Variants in ABHD6 observed in about 807,000 individuals in gnomAD.
The protein encoded by ABHD6 is monoacylglycerol lipase ABHD6.
A neutral mutation model predicts 38.8 loss-of-function variants in ABHD6; 33 were observed. The ratio of observed to expected loss-of-function variants is 0.85; its 90% CI spans 0.64 to 1.14. The LOEUF is 1.14. Ranked by LOEUF, ABHD6 falls within the 50% of genes most tolerant of loss-of-function variation. The probability of loss-of-function intolerance (pLI) is 0.00; values close to 1 mark genes in which losing one functional copy is unlikely to be tolerated. For synonymous variants in ABHD6, 147 were observed against 161.6 expected (o/e 0.91, Z 0.69); for missense variants, 380 against 422.6 (o/e 0.90, Z 0.88).
At chr3:58,243,056 C>CT (rs1252109523) in intron 1 of ABHD6, among the ~76,000 whole-genome samples, 8 of 152,220 alleles carry the variant, frequency 5.3e-5, no homozygotes, top group Non-Finnish European at 1.0e-4. Flanking sequence ...TGAACTCATC[C>CT]TTTTTTATGG....
Position 58,293,905 on chromosome 3 carries a change from G to T in ABHD6, c.*140G>T. ...TGAGGAAGCCCGTCCCTTATCCCTG[G>T]TATCCACGGTTCCCCAGAGCTTTGG... On this transcript the variant is annotated 3_prime_UTR_variant, in exon 10 of 10. Transcript: ENST00000478253. The surrounding 1 kb of genome is among the most constrained non-coding windows in gnomAD (Gnocchi z 4.4). The T allele has an allele frequency of 2.3e-6, 2 of 883,904 alleles. No individual in the cohort carries two copies. Among genetic ancestry groups the T allele is most frequent in the African/African-American group, 1.7e-5 (1 of 59,442 alleles). The allele number at this position is 883,904 out of a possible 1,614,324, so 54.8% of individuals were successfully genotyped here.
At chr3:58,245,454 C>A (rs1001760638) in intron 1 of ABHD6, among the ~76,000 whole-genome samples, 13 of 152,084 alleles carry the variant, frequency 8.5e-5, no homozygotes, top group African/African-American at 2.9e-4. Context: ...CCCTGAGCCA[C>A]TGCATCTGGC....
rs907277015 is a variant in ABHD6 at position 58,259,132 on chromosome 3, G to T, written c.119+2427G>T. On this transcript the variant is annotated intron_variant, in intron 3 of 9. Transcript: ENST00000478253. The surrounding 1 kb of genome is among the most constrained non-coding windows in gnomAD (Gnocchi z 4.7). ...AGAACACAATTCACTGATGTGGCTC[G>T]TAACCATGGATATGGTCACATACAG... Among the ~76,000 whole-genome samples, 81 of 152,196 alleles carry T rather than the reference G, an allele frequency of 5.3e-4. 1 individual carries two copies. The highest frequency in any genetic ancestry group is 1.7e-3 in the Admixed American group (26 of 15,286).
At chr3:58,253,199 C>T (rs1385054967) in intron 2 of ABHD6, among the ~76,000 whole-genome samples, 1 of 151,202 alleles carries the variant, frequency 6.6e-6, no homozygotes, top group African/African-American at 2.4e-5. Flanking sequence ...GCCTTCATTT[C>T]GGGGCTATCA....
chr3:58,267,715 A>T lies in ABHD6; in HGVS notation c.276+370A>T, dbSNP rs905578253. ...GAAGAAGAAAAGGGTTTCCACTAGG[A>T]CATGATGTCATCAACAATGGTAGAA... is the stretch of plus-strand genomic sequence containing the variant. On this transcript the variant is annotated intron_variant, in intron 4 of 9. Transcript: ENST00000478253. The surrounding 1 kb of genome is among the most constrained non-coding windows in gnomAD (Gnocchi z 4.3). Among the ~76,000 whole-genome samples the T allele has an allele frequency of 1.3e-5, 2 of 152,160 alleles. No individual in the cohort carries two copies. Among genetic ancestry groups the T allele is most frequent in the Admixed American group, 6.5e-5 (1 of 15,268 alleles).
chr3:58,284,380 A>AT (rs1423109760), intron 7 of ABHD6, among the ~76,000 whole-genome samples: 1 of 151,540 alleles, frequency 6.6e-6, no homozygotes, highest in Admixed American at 6.6e-5. Context: ...CAGTGGCTTA[A>AT]TTTTTTTAAT....
In ABHD6 at chr3:58,259,089, G is replaced by T. The variant is rs986385441; in HGVS notation, c.119+2384G>T. ...CACACAAAACGCCGTTTTTATTAAC[G>T]ACATGAAATTGAAGGAGAGAACACA... is the stretch of plus-strand genomic sequence containing the variant. On this transcript the variant is annotated intron_variant, in intron 3 of 9. Transcript: ENST00000478253. The surrounding 1 kb of genome is among the most constrained non-coding windows in gnomAD (Gnocchi z 4.7). Among the ~76,000 whole-genome samples, 1 of 152,086 alleles carries T rather than the reference G, an allele frequency of 6.6e-6. No individual in the cohort carries two copies. Among genetic ancestry groups the T allele is most frequent in the Admixed American group, 6.6e-5 (1 of 15,252 alleles).
At chr3:58,240,701 G>T (rs1176840457) in intron 1 of ABHD6, among the ~76,000 whole-genome samples, 1 of 149,956 alleles carries the variant, frequency 6.7e-6, no homozygotes, top group Non-Finnish European at 1.5e-5. Context: ...AGTAACTGGG[G>T]CTACAGGTGT....
Position 58,290,867 on chromosome 3 carries a change from C to G in ABHD6, c.838-2722C>G, listed in dbSNP as rs1458632909. Among the ~76,000 whole-genome samples the G allele has an allele frequency of 2.8e-3, 418 of 147,090 alleles. 3 individuals carry two copies. Among genetic ancestry groups the G allele is most frequent in the African/African-American group, 9.6e-3 (379 of 39,662 alleles). ...CTCACTTCCTAGATGGGATGGCGGC[C>G]GGGCAGAGACGCTCCTCACTTTCCA... is the stretch of plus-strand genomic sequence containing the variant. On this transcript the variant is annotated intron_variant, in intron 9 of 9. Transcript: ENST00000478253.
intron 2 of ABHD6, among the ~76,000 whole-genome samples, chr3:58,254,929 G>T (rs1175549193): frequency 6.6e-6 from 1 of 151,450 alleles, no homozygotes; most frequent in Non-Finnish European, 1.5e-5. Context: ...TGTTGCCTAG[G>T]CTGGTCTTCA....
rs2107454000 is a variant in ABHD6, at chr3:58,269,593, AT to A, written c.390+160del. On this transcript the variant is annotated intron_variant, in intron 5 of 9. Transcript: ENST00000478253. The surrounding 1 kb of genome is among the most constrained non-coding windows in gnomAD (Gnocchi z 4.4). ...GCAAGCCAAATGGCAACCTGATGAT[AT>A]CTCTGGTTGGCAATGGAGGGCCAGG... is the stretch of plus-strand genomic sequence containing the variant. Among the ~76,000 whole-genome samples, 1 of 152,336 alleles carries A rather than the reference AT, an allele frequency of 6.6e-6. No individual in the cohort carries two copies. Among genetic ancestry groups the A allele is most frequent in the Non-Finnish European group, 1.5e-5 (1 of 68,018 alleles).
chr3:58,270,460 A>T (rs1048521649), intron 5 of ABHD6, among the ~76,000 whole-genome samples: 6 of 151,486 alleles, frequency 4.0e-5, no homozygotes, highest in Non-Finnish European at 8.8e-5. Flanking sequence ...ACCTTTATAG[A>T]AAACTTCATC....
At position 58,273,263 on chromosome 3, in the gene ABHD6, C is replaced by T. The variant is rs914623059; in HGVS notation, c.524-1395C>T. On this transcript the variant is annotated intron_variant, in intron 6 of 9. Transcript: ENST00000478253. This position sits in a 1 kb window ranked among gnomAD's most constrained non-coding sequence, Gnocchi z 4.8. ...TACTGCCTTTCATTATAAAATCTAGCTCTTTTCTAGATTTTGCTGGGTGAG... is the reference window on the plus strand; with the variant it reads ...TACTGCCTTTCATTATAAAATCTAGTTCTTTTCTAGATTTTGCTGGGTGAG... Among the ~76,000 whole-genome samples, 2 of 152,072 alleles carry T rather than the reference C, an allele frequency of 1.3e-5. No individual in the cohort carries two copies. Among genetic ancestry groups the T allele is most frequent in the African/African-American group, 4.8e-5 (2 of 41,400 alleles).
chr3:58,290,268 A>C (rs1162405821), intron 9 of ABHD6, among the ~76,000 whole-genome samples: 1 of 70,808 alleles, frequency 1.4e-5, no homozygotes, highest in East Asian at 5.5e-4. Flanking sequence ...CTCACCTCCC[A>C]GACGGGGCGG....
intron 1 of ABHD6, among the ~76,000 whole-genome samples, chr3:58,240,027 C>T (rs2097421691): frequency 6.6e-6 from 1 of 151,556 alleles, no homozygotes; most frequent in Non-Finnish European, 1.5e-5. Context: ...TGTTGCGTAC[C>T]TGTAGTCCCG....
rs1471650797 is a variant in ABHD6 at position 58,290,284 on chromosome 3, C to T, written c.838-3305C>T. On this transcript the variant is annotated intron_variant, in intron 9 of 9. Transcript: ENST00000478253. Reference sequence around the variant, plus strand: ...TCACCTCCCAGACGGGGCGGCTGGCCGGGCGGGGGGCTGACCCCCCCCACC... The same window carrying T: ...TCACCTCCCAGACGGGGCGGCTGGCTGGGCGGGGGGCTGACCCCCCCCACC... Among the ~76,000 whole-genome samples the T allele has an allele frequency of 3.0e-5, 4 of 134,372 alleles. 1 individual carries two copies. Among genetic ancestry groups the T allele is most frequent in the Admixed American group, 7.2e-5 (1 of 13,804 alleles). 88.2% of individuals were successfully genotyped at this position (134,372 alleles called of 152,430 possible).
At chr3:58,249,737 CA>C (rs1450322487) in intron 1 of ABHD6, 140 bp from the exon 2 acceptor site, 1 of 152,248 alleles carries the variant, frequency 6.6e-6, no homozygotes, top group African/African-American at 2.4e-5. Context: ...TATAAAGCCA[CA>C]AGCTGTTTGT....
In ABHD6 at chr3:58,274,712, G is replaced by A. The variant is rs760565137; in HGVS notation, c.578G>A (p.Gly193Asp). Residue 193 changes from glycine to aspartate, a missense_variant, in exon 7 of 10, where the codon GGC (glycine) becomes GAC (aspartate). Gly to Asp is a moderately conservative substitution (Grantham distance 94). Transcript: ENST00000478253. ...GTACAACGGCTCAAAGAACTGCAGG[G>A]CTCTGCCGCCGTGGAGAAGATTCCC... ...QFVQRLKELQ[G>D]SAAVEKIPLI... 4 of 1,614,238 alleles carry A rather than the reference G, an allele frequency of 2.5e-6. No homozygotes were observed. The highest frequency in any genetic ancestry group is 3.4e-6 in the Non-Finnish European group (4 of 1,180,048).
At chr3:58,254,058 C>T (rs1401659193) in intron 2 of ABHD6, among the ~76,000 whole-genome samples, 1 of 152,098 alleles carries the variant, frequency 6.6e-6, no homozygotes, top group African/African-American at 2.4e-5. Context: ...AAAGAGGTTA[C>T]AGAGACTAAG....
Sources: gnomAD v4.1 joint callset for allele counts (sites outside exome capture counted in the v4.1 genomes callset) on GRCh38, gnomAD v4.1.1 for gene constraint, Gnocchi (gnomAD v3.1) non-coding constraint, MANE v1.5 for transcripts, NCBI Gene and HGNC (gene_info 2026-07-23, HGNC 2026-07-21) for gene names.